Variants in SYNJ2BP observed in about 807,000 individuals in gnomAD.
SYNJ2BP encodes the protein synaptojanin 2 binding protein, also known as synaptojanin-2-binding protein.
In SYNJ2BP, 10 loss-of-function variants were observed where a neutral mutation model predicts 16.9. That is an observed-to-expected ratio of 0.59 (90% confidence interval 0.36 to 1.00). The LOEUF is 1.00. Among genes scored for constraint, SYNJ2BP ranks in the 50% least tolerant of loss-of-function variants. SYNJ2BP has a pLI of 0.01. For missense variants in SYNJ2BP, 162 were observed against 186.7 expected, an observed-to-expected ratio of 0.87 and a Z score of 0.77; for synonymous variants, 54 against 68.4, an observed-to-expected ratio of 0.79 and a Z score of 1.04.
chr14:70,376,697 T>C (rs1214999731), intron 2 of SYNJ2BP, among the ~76,000 whole-genome samples: 1 of 152,264 alleles, frequency 6.6e-6, no homozygotes, highest in Non-Finnish European at 1.5e-5. Flanking sequence ...ATTATTTTTA[T>C]CTCGTTTCCA....
chr14:70,414,711 C>G (rs535428415), intron 1 of SYNJ2BP, among the ~76,000 whole-genome samples: 21 of 151,942 alleles, frequency 1.4e-4, no homozygotes, highest in Middle Eastern at 3.4e-3. Flanking sequence ...GTAAAATAAC[C>G]GAAGATATTT....
chr14:70,386,253 C>T (rs1368628970), intron 2 of SYNJ2BP, among the ~76,000 whole-genome samples: 1 of 152,220 alleles, frequency 6.6e-6, no homozygotes, highest in East Asian at 1.9e-4. Context: ...GGATGAATGT[C>T]TTTCCTTGGG....
intron 1 of SYNJ2BP, among the ~76,000 whole-genome samples, chr14:70,389,386 T>TC (rs1887932451): frequency 6.6e-6 from 1 of 151,338 alleles, no homozygotes; most frequent in Non-Finnish European, 1.5e-5. Context: ...TTTTTTTTTT[T>TC]TTTTTTCCAT....
intron 1 of SYNJ2BP, among the ~76,000 whole-genome samples, chr14:70,409,713 T>C (rs1888428206): frequency 6.6e-6 from 1 of 152,224 alleles, no homozygotes; most frequent in Admixed American, 6.5e-5. Flanking sequence ...TAATACAATG[T>C]GTCCATCCTC....
chr14:70,380,888 A>G (rs1887735083), intron 2 of SYNJ2BP, among the ~76,000 whole-genome samples: 1 of 152,314 alleles, frequency 6.6e-6, no homozygotes, highest in South Asian at 2.1e-4. Context: ...AATACTGTGT[A>G]ACTCTCTTAA....
At chr14:70,388,323 A>T in intron 2 of SYNJ2BP, 147 bp downstream of exon 2, 3 of 1,259,412 alleles carry the variant, frequency 2.4e-6, no homozygotes, top group Non-Finnish European at 3.0e-6. Flanking sequence ...AGGGTTGGAA[A>T]GAATGACTGA....
At chr14:70,394,839 C>T (rs1487396948) in intron 1 of SYNJ2BP, among the ~76,000 whole-genome samples, 1 of 152,122 alleles carries the variant, frequency 6.6e-6, no homozygotes, top group African/African-American at 2.4e-5. Flanking sequence ...TCTTGACAAA[C>T]ACAAGTACTC....
At chr14:70,394,758 A>G (rs1339463502) in intron 1 of SYNJ2BP, among the ~76,000 whole-genome samples, 1 of 152,206 alleles carries the variant, frequency 6.6e-6, no homozygotes, top group Admixed American at 6.5e-5. Context: ...GCAACAGCTA[A>G]TGTTTACCAA....
chr14:70,389,744 G>A (rs1368451664), intron 1 of SYNJ2BP, among the ~76,000 whole-genome samples: 2 of 152,092 alleles, frequency 1.3e-5, no homozygotes, highest in Admixed American at 1.3e-4. Context: ...TCAGATTTTT[G>A]GATTTGGGCT....
At chr14:70,380,995 A>G (rs1456318814) in intron 2 of SYNJ2BP, among the ~76,000 whole-genome samples, 1 of 152,220 alleles carries the variant, frequency 6.6e-6, no homozygotes, top group Non-Finnish European at 1.5e-5. Context: ...ACCTAAGAGA[A>G]CTTTGTACAC....
At chr14:70,391,242 G>A (rs1279479375) in intron 1 of SYNJ2BP, among the ~76,000 whole-genome samples, 1 of 152,144 alleles carries the variant, frequency 6.6e-6, no homozygotes, top group East Asian at 1.9e-4. Flanking sequence ...TACTTCTGGA[G>A]TTTGTGACCT....
At chr14:70,400,523 A>G (rs1888212499) in intron 1 of SYNJ2BP, among the ~76,000 whole-genome samples, 1 of 152,218 alleles carries the variant, frequency 6.6e-6, no homozygotes, top group Non-Finnish European at 1.5e-5. Context: ...ATAAAAAAAA[A>G]CAAACAATAC....
intron 1 of SYNJ2BP, among the ~76,000 whole-genome samples, chr14:70,416,315 TTC>T (rs1374763780): frequency 8.5e-5 from 9 of 105,410 alleles, no homozygotes; most frequent in African/African-American, 3.4e-4. Flanking sequence ...ACTTTTTATT[TTC>T]TTTTTTTTTT....
At chr14:70,403,131 CT>C (rs1209872898) in intron 1 of SYNJ2BP, among the ~76,000 whole-genome samples, 2 of 152,076 alleles carry the variant, frequency 1.3e-5, no homozygotes, top group Non-Finnish European at 2.9e-5. Flanking sequence ...TTAGGGTTAC[CT>C]AGCTAAACAA....
intron 1 of SYNJ2BP, among the ~76,000 whole-genome samples, chr14:70,394,798 T>C (rs1566620391): frequency 6.6e-6 from 1 of 152,214 alleles, no homozygotes; most frequent in South Asian, 2.1e-4. Flanking sequence ...TAATATGCTA[T>C]GTACTTTATA....
rs1393537869 is a variant in SYNJ2BP at position 70,388,474 on chromosome 14, AG to A, written c.196del (p.Leu66PhefsTer3). 6.4e-7 allele frequency: 1 copy of A among 1,566,966 alleles called. No individual in the cohort carries two copies. Among genetic ancestry groups the A allele is most frequent in the African/African-American group, 1.4e-5 (1 of 72,652 alleles). On this transcript the variant is annotated frameshift_variant, in exon 2 of 4. Transcript: ENST00000256366. LOFTEE classifies it high-confidence loss of function. ...DGRLQEGDKILSVNGQDLKNL... is the reference protein window; with the variant it reads ...DGRLQEGDKIXSVNGQDLKNL... ...GAGGCCGAAGCCCATTCTCACCGAA[AG>A]GATCTTATCACCCTCCTGGAGCCGC...
intron 1 of SYNJ2BP, among the ~76,000 whole-genome samples, chr14:70,412,982 C>G (rs1228695208): frequency 6.6e-6 from 1 of 151,922 alleles, no homozygotes; most frequent in Non-Finnish European, 1.5e-5. Flanking sequence ...AAAGTGAGAG[C>G]CTTAGATACT....
intron 1 of SYNJ2BP, among the ~76,000 whole-genome samples, chr14:70,391,108 G>T (rs922101001): frequency 6.6e-6 from 1 of 152,122 alleles, no homozygotes; most frequent in Admixed American, 6.5e-5. Flanking sequence ...CAGGGTGACA[G>T]AGTGAGACCC....
chr14:70,385,171 A>T (rs1422281467), intron 2 of SYNJ2BP, among the ~76,000 whole-genome samples: 1 of 152,072 alleles, frequency 6.6e-6, no homozygotes, highest in Admixed American at 6.6e-5. Flanking sequence ...ATTTATCAGC[A>T]GCTCCAGCCC....
Sources: gnomAD v4.1 joint callset for allele counts (sites outside exome capture counted in the v4.1 genomes callset) on GRCh38, gnomAD v4.1.1 for gene constraint, MANE v1.5 for transcripts, NCBI Gene and HGNC (gene_info 2026-07-23, HGNC 2026-07-21) for gene names.